FSD1L: variants seen among roughly 807,000 people sequenced by gnomAD.
The protein encoded by FSD1L is FSD1-like protein.
FSD1L carries 45 observed loss-of-function variants against 71.6 expected under a neutral mutation model. That is an observed-to-expected ratio of 0.63 (90% CI 0.49 to 0.81). The LOEUF is 0.81. Among genes scored for constraint, FSD1L ranks in the 30% least tolerant of loss-of-function variants. The pLI is 0.00. For synonymous variants in FSD1L, 197 were observed against 207.2 expected (o/e 0.95, Z 0.42); for missense variants, 561 against 618.1 (o/e 0.91, Z 0.98).
chr9:105,444,859 A>G (rs1170194501), upstream of FSD1L, among the ~76,000 whole-genome samples: 1 of 152,200 alleles, frequency 6.6e-6, no homozygotes, highest in African/African-American at 2.4e-5. Context: ...AATCACCTAG[A>G]GGAAATGCTA....
rs1290970861 is a variant in FSD1L, at chr9:105,546,424, A to T, written c.1534A>T (p.Lys512Ter). 1.4e-5 allele frequency: 22 copies of T among 1,550,278 alleles called. No homozygotes were observed. Among genetic ancestry groups the T allele is most frequent in the Non-Finnish European group, 1.9e-5 (22 of 1,146,180 alleles). ...QVPSAVRTLQ[K>*]SENGMTGSAS... ...TCCAAGTGCTGTGAGAACACTTCAG[A>T]AAAGTGAAAATGGAATGACTGGTTC... is the stretch of plus-strand genomic sequence containing the variant. The change falls in exon 14 of 14, where the codon AAA (lysine) becomes TAA (stop). Residue 512 changes from lysine to a stop codon, truncating the protein, a stop_gained. Coordinates refer to ENST00000481272, the MANE Select transcript of FSD1L (RefSeq NM_001145313.3). LOFTEE classifies it high-confidence loss of function.
At chr9:105,447,506 G>A (rs1471843932), upstream of FSD1L, among the ~76,000 whole-genome samples, 1 of 152,010 alleles carries the variant, frequency 6.6e-6, no homozygotes, top group Non-Finnish European at 1.5e-5. Flanking sequence ...GAGGTGCCGG[G>A]GAGGATGGGT....
chr9:105,453,106 A>G (rs1257774574), intron 1 of FSD1L, among the ~76,000 whole-genome samples: 1 of 129,270 alleles, frequency 7.7e-6, no homozygotes, highest in African/African-American at 3.0e-5. Flanking sequence ...TTGATAGATG[A>G]TAAAGAACAT....
At chr9:105,458,417 G>A (rs1019416789) in intron 1 of FSD1L, among the ~76,000 whole-genome samples, 23 of 152,162 alleles carry the variant, frequency 1.5e-4, no homozygotes, top group African/African-American at 5.6e-4. Context: ...CTTGTCCTGC[G>A]TCCAGGAAGA....
At chr9:105,495,132 T>G (rs1833272352) in intron 7 of FSD1L, among the ~76,000 whole-genome samples, 1 of 152,196 alleles carries the variant, frequency 6.6e-6, no homozygotes, top group Non-Finnish European at 1.5e-5. Flanking sequence ...GCAGGCCTCC[T>G]TGAGCTGTGG....
chr9:105,532,241 C>T (rs1455030790), intron 10 of FSD1L, among the ~76,000 whole-genome samples: 1 of 152,146 alleles, frequency 6.6e-6, no homozygotes, highest in Non-Finnish European at 1.5e-5. Flanking sequence ...TAAGATAAAG[C>T]TTTTGAAAAC....
At chr9:105,499,103 A>G (rs1305541244) in intron 7 of FSD1L, among the ~76,000 whole-genome samples, 1 of 152,236 alleles carries the variant, frequency 6.6e-6, no homozygotes, top group Non-Finnish European at 1.5e-5. Context: ...AGAAGGATGT[A>G]TATTCTGCCA....
chr9:105,490,275 A>G (rs1029497631), intron 7 of FSD1L, among the ~76,000 whole-genome samples: 5 of 152,060 alleles, frequency 3.3e-5, no homozygotes, highest in Middle Eastern at 3.4e-3. Context: ...GCATTTTTTC[A>G]TGTGTCTGTT....
chr9:105,533,416 C>CTTTTTTTTTTTTTTTTT (rs754896606), intron 10 of FSD1L, among the ~76,000 whole-genome samples: 1,550 of 29,066 alleles, frequency 0.053, 572 homozygotes, highest in South Asian at 0.071. Flanking sequence ...CCATTTCCAT[C>CTTTTTTTTTTTTTTTTT]TTTTTTTTTT....
chr9:105,464,145 C>T (rs1439066859), intron 2 of FSD1L, 91 bp from the exon 3 acceptor site: 2 of 690,142 alleles, frequency 2.9e-6, no homozygotes, highest in African/African-American at 1.8e-5. Flanking sequence ...ACAATATACT[C>T]TTACATAAAG....
chr9:105,539,925 G>T (rs1382375146), intron 13 of FSD1L, among the ~76,000 whole-genome samples: 1 of 151,944 alleles, frequency 6.6e-6, no homozygotes, highest in Non-Finnish European at 1.5e-5. Context: ...CCATTTGGGG[G>T]CTATACAAAT....
intron 10 of FSD1L, chr9:105,523,487 C>A: frequency 6.2e-7 from 1 of 1,612,982 alleles, no homozygotes; most frequent in Non-Finnish European, 8.5e-7. Flanking sequence ...TAAATTCAAT[C>A]ATGGATCCTG....
chr9:105,538,211 C>T (rs1836385788), intron 12 of FSD1L, among the ~76,000 whole-genome samples: 1 of 152,160 alleles, frequency 6.6e-6, no homozygotes, highest in Non-Finnish European at 1.5e-5. Context: ...TATATTTAAG[C>T]ATTACTATTC....
chr9:105,450,721 A>G (rs1829942533), intron 1 of FSD1L, among the ~76,000 whole-genome samples: 1 of 150,958 alleles, frequency 6.6e-6, no homozygotes, highest in Non-Finnish European at 1.5e-5. Context: ...TTTAGTAGAG[A>G]CGGGGTTTTA....
At position 105,546,498 on chromosome 9, in the gene FSD1L, A is replaced by T. The variant is rs1837014162; in HGVS notation, c.*15A>T. 7.9e-6 allele frequency: 12 copies of T among 1,524,142 alleles called. No individual in the cohort carries two copies. Among genetic ancestry groups the T allele is most frequent in the Non-Finnish European group, 1.1e-5 (12 of 1,136,484 alleles). The allele number at this position is 1,524,142 out of a possible 1,614,324, so 94.4% of individuals were successfully genotyped here. ...TTACTCAATAGTGTCTACTCAGAAT[A>T]CGTTTACCCTCCGTCTTGATTAGGT... On this transcript the variant is annotated 3_prime_UTR_variant, in exon 14 of 14. Coordinates refer to ENST00000481272, the MANE Select transcript of FSD1L (RefSeq NM_001145313.3).
chr9:105,485,538 T>G (rs1039776380), intron 7 of FSD1L, among the ~76,000 whole-genome samples: 1 of 149,680 alleles, frequency 6.7e-6, no homozygotes, highest in African/African-American at 2.5e-5. Flanking sequence ...TAGGTGTTTT[T>G]TTTTTTTTTT....
chr9:105,475,719 C>T (rs1379686890), intron 5 of FSD1L, among the ~76,000 whole-genome samples: 1 of 152,186 alleles, frequency 6.6e-6, no homozygotes. Flanking sequence ...TCCTATTGTA[C>T]AAATATGCCT....
In FSD1L at chr9:105,523,700, T is replaced by C; in HGVS notation, c.1025+10764T>C. 3 of 1,598,352 alleles carry C rather than the reference T, an allele frequency of 1.9e-6. No homozygotes were observed. In the East Asian group the frequency reaches 6.7e-5, roughly 36 times the overall value. ...ATAAACAAGGTAAATTACATGCATATAAACTTATTGGTAATACAATGAAAA... is the reference window on the plus strand; with the variant it reads ...ATAAACAAGGTAAATTACATGCATACAAACTTATTGGTAATACAATGAAAA... On this transcript the variant is annotated intron_variant, in intron 10 of 13. Transcript: ENST00000481272.
intron 7 of FSD1L, among the ~76,000 whole-genome samples, chr9:105,489,511 A>C (rs1340741870): frequency 6.6e-6 from 1 of 151,856 alleles, no homozygotes; most frequent in African/African-American, 2.4e-5. Context: ...TTTTTATTTT[A>C]TTATTATTAT....
Sources: gnomAD v4.1 joint callset for allele counts (sites outside exome capture counted in the v4.1 genomes callset) on GRCh38, gnomAD v4.1.1 for gene constraint, MANE v1.5 for transcripts, NCBI Gene and HGNC (gene_info 2026-07-23, HGNC 2026-07-21) for gene names.